The following PCSK6 variants were observed in gnomAD, a reference collection of about 807,000 sequenced individuals.
PCSK6 encodes proprotein convertase subtilisin/kexin type 6.
PCSK6 carries 85 observed loss-of-function variants against 123.3 expected under a neutral mutation model. The observed-to-expected ratio is 0.69, with a 90% CI of 0.58 to 0.83. The LOEUF is 0.83. Among genes scored for constraint, PCSK6 ranks in the 40% least tolerant of loss-of-function variants. PCSK6 has a pLI of 0.00. For missense variants in PCSK6, 1,191 were observed against 1,282.3 expected (o/e 0.93, Z 1.09); for synonymous variants, 508 against 516.0 (o/e 0.98, Z 0.21).
At chr15:101,347,201 T>C (rs1433333187) in intron 13 of PCSK6, 1 of 1,231,674 alleles carries the variant, frequency 8.1e-7, no homozygotes, top group Non-Finnish European at 1.0e-6. Flanking sequence ...TCTGTCTTCC[T>C]TTCTAGCATC....
At chr15:101,396,368 A>C (rs1328013108) in intron 7 of PCSK6, among the ~76,000 whole-genome samples, 1 of 151,944 alleles carries the variant, frequency 6.6e-6, no homozygotes, top group African/African-American at 2.4e-5. Context: ...ACTGCCAAAC[A>C]ACCAGGACCC....
intron 1 of PCSK6, among the ~76,000 whole-genome samples, chr15:101,446,993 G>C (rs1007779411): frequency 1.3e-5 from 2 of 152,196 alleles, no homozygotes; most frequent in African/African-American, 4.8e-5. Flanking sequence ...ACCAGTGAGA[G>C]AATCAAAGGT....
chr15:101,320,395 T>C (rs1476792510), intron 18 of PCSK6, among the ~76,000 whole-genome samples: 1 of 152,212 alleles, frequency 6.6e-6, no homozygotes, highest in Non-Finnish European at 1.5e-5. Flanking sequence ...CTGAGCTATA[T>C]ATTTATTACG....
At chr15:101,478,816 G>A (rs1455752753) in intron 1 of PCSK6, among the ~76,000 whole-genome samples, 1 of 152,178 alleles carries the variant, frequency 6.6e-6, no homozygotes, top group Non-Finnish European at 1.5e-5. Context: ...AGGGTGGAAA[G>A]CATAAGCGAT....
intron 2 of PCSK6, among the ~76,000 whole-genome samples, chr15:101,442,317 TATCCATCCATTC>T (rs1256350806): frequency 1.3e-5 from 2 of 152,210 alleles, no homozygotes; most frequent in African/African-American, 2.4e-5. Flanking sequence ...CGTATCTATC[TATCCATCCATTC>T]ATCCATCCAT....
At chr15:101,385,065 G>A (rs958524939) in intron 9 of PCSK6, among the ~76,000 whole-genome samples, 1 of 152,182 alleles carries the variant, frequency 6.6e-6, no homozygotes, top group Non-Finnish European at 1.5e-5. Context: ...TGCCCAGGCT[G>A]GAGTGCGGTG....
chr15:101,455,705 AC>A, intron 1 of PCSK6, among the ~76,000 whole-genome samples: 1 of 152,252 alleles, frequency 6.6e-6, no homozygotes, highest in South Asian at 2.1e-4. Flanking sequence ...CAACTCAATC[AC>A]ACCAATTAAA....
chr15:101,462,318 A>G (rs1447453551), intron 1 of PCSK6, among the ~76,000 whole-genome samples: 1 of 152,274 alleles, frequency 6.6e-6, no homozygotes. Context: ...TACCATGCTC[A>G]TGGATAGGAA....
chr15:101,334,870 GC>G (rs138959299), intron 13 of PCSK6, among the ~76,000 whole-genome samples: 8,240 of 152,228 alleles, frequency 0.054, 648 homozygotes, highest in African/African-American at 0.18. Context: ...CAGCAGACAG[GC>G]AGCCTCATGG....
chr15:101,489,676 C>T lies in PCSK6; in HGVS notation c.-6G>A, dbSNP rs1033915825. The T allele has an allele frequency of 2.0e-5, 19 of 974,348 alleles. No homozygotes were observed. The highest frequency in any genetic ancestry group is 2.3e-5 in the Non-Finnish European group (19 of 823,180). The allele number at this position is 974,348 out of a possible 1,614,324, so 60.4% of individuals were successfully genotyped here. A position where few individuals can be genotyped will look rare whatever the true frequency, so the allele number is the denominator to read the frequency against. On this transcript the variant is annotated 5_prime_UTR_variant, in exon 1 of 22. Coordinates refer to ENST00000611716, the MANE Select transcript of PCSK6 (RefSeq NM_002570.5). ...GGCGGCGCGCGCGGAGGCATAGCGGCGACAGGCTCGCGCGGCGCCCGAGCT... is the reference window on the plus strand; with the variant it reads ...GGCGGCGCGCGCGGAGGCATAGCGGTGACAGGCTCGCGCGGCGCCCGAGCT...
At chr15:101,428,099 A>G in intron 5 of PCSK6, 119 bp from the exon 6 acceptor site, 1 of 829,438 alleles carries the variant, frequency 1.2e-6, no homozygotes, top group Non-Finnish European at 1.9e-6. Flanking sequence ...GATGTCATTA[A>G]AGCCCATTTC....
chr15:101,384,451 G>A (rs769339753), intron 9 of PCSK6, 26 bp from the exon 10 acceptor site: 4 of 1,596,122 alleles, frequency 2.5e-6, no homozygotes, highest in Non-Finnish European at 3.4e-6. Flanking sequence ...ACACCCTAGA[G>A]TCCACACAGC....
intron 9 of PCSK6, among the ~76,000 whole-genome samples, chr15:101,384,902 T>G (rs8037487): frequency 0.32 from 48,397 of 152,146 alleles, 10,111 homozygotes; most frequent in African/African-American, 0.6. Context: ...GATTCTAAAT[T>G]TGCAAAATAT....
chr15:101,389,265 G>A (rs2042156205), intron 9 of PCSK6, among the ~76,000 whole-genome samples, 199 bp downstream of exon 9: 1 of 152,228 alleles, frequency 6.6e-6, no homozygotes, highest in Non-Finnish European at 1.5e-5. Context: ...GGCAGCTGCT[G>A]TTTAACGGGC....
At chr15:101,415,272 G>A (rs1052093682) in intron 6 of PCSK6, among the ~76,000 whole-genome samples, 25 of 152,356 alleles carry the variant, frequency 1.6e-4, no homozygotes, top group African/African-American at 5.8e-4. Flanking sequence ...ATGCCTAAAG[G>A]TATCAGGCAG....
chr15:101,474,124 T>C (rs1018121988), intron 1 of PCSK6, among the ~76,000 whole-genome samples: 15 of 152,226 alleles, frequency 9.9e-5, no homozygotes, highest in African/African-American at 2.7e-4. Context: ...TTTCTTTCTA[T>C]AGAAATTGGG....
At chr15:101,428,490 T>C (rs568847698) in intron 5 of PCSK6, among the ~76,000 whole-genome samples, 40 of 152,356 alleles carry the variant, frequency 2.6e-4, no homozygotes, top group Non-Finnish European at 5.0e-4. Flanking sequence ...GAGGCAGCCC[T>C]TCCTGTGCTT....
intron 1 of PCSK6, among the ~76,000 whole-genome samples, chr15:101,455,533 T>C (rs11858935): frequency 0.029 from 4,343 of 152,278 alleles, 190 homozygotes; most frequent in African/African-American, 0.098. Context: ...CTTCCTTTTA[T>C]CCTGGAGCCT....
chr15:101,342,338 G>GTAAT (rs1274338198), intron 13 of PCSK6, among the ~76,000 whole-genome samples: 8 of 152,064 alleles, frequency 5.3e-5, no homozygotes, highest in African/African-American at 1.9e-4. Flanking sequence ...TAAGTAAAGT[G>GTAAT]TAATAAATTA....
Sources: gnomAD v4.1 joint callset for allele counts (sites outside exome capture counted in the v4.1 genomes callset) on GRCh38, gnomAD v4.1.1 for gene constraint, MANE v1.5 for transcripts, NCBI Gene and HGNC (gene_info 2026-07-23, HGNC 2026-07-21) for gene names.